Variants in SULT1C2 observed in about 807,000 individuals in gnomAD.
SULT1C2 encodes sulfotransferase family 1C member 2, also known as sulfotransferase 1C2.
Under a neutral mutation model 36.0 loss-of-function variants are expected in SULT1C2, and 27 were observed. That is an observed-to-expected ratio of 0.75 (90% CI 0.55 to 1.03). The LOEUF (loss-of-function observed/expected upper bound fraction) is 1.03. Among genes scored for constraint, SULT1C2 ranks in the 50% least tolerant of loss-of-function variants. SULT1C2 has a pLI of 0.00. For synonymous variants in SULT1C2, 121 were observed against 116.0 expected (o/e 1.04, Z -0.27); for missense variants, 395 against 359.2 (o/e 1.10, Z -0.80).
chr2:108,308,615 C>T lies in SULT1C2; in HGVS notation c.*151C>T. The T allele has an allele frequency of 1.7e-6, 1 of 596,442 alleles. No individual in the cohort carries two copies. The highest frequency in any genetic ancestry group is 3.2e-5 in the South Asian group (1 of 31,214). The allele number at this position is 596,442 out of a possible 1,614,324, so 36.9% of individuals were successfully genotyped here. A position where few individuals can be genotyped will look rare whatever the true frequency, so the allele number is the denominator to read the frequency against. ...TCTGTGATGATTAACAGTATGTCAC[C>T]ACTTCATTTTTTAAAAAGGATCACG... On this transcript the variant is annotated 3_prime_UTR_variant, in exon 8 of 8. Coordinates refer to ENST00000251481, the MANE Select transcript of SULT1C2 (RefSeq NM_001056.4).
At chr2:108,301,053 T>C (rs1676857639) in intron 4 of SULT1C2, 118 bp downstream of exon 4, 2 of 1,293,908 alleles carry the variant, frequency 1.5e-6, no homozygotes, top group Admixed American at 4.7e-5. Context: ...CTCTGATGCT[T>C]ACCAGCAAAG....
intron 1 of SULT1C2, among the ~76,000 whole-genome samples, chr2:108,291,505 T>C (rs1214442102): frequency 1.3e-5 from 2 of 152,194 alleles, no homozygotes; most frequent in African/African-American, 4.8e-5. Context: ...AAAAGACAGA[T>C]AGAAATACAT....
chr2:108,295,584 C>T (rs1676704764), intron 3 of SULT1C2, among the ~76,000 whole-genome samples: 2 of 152,230 alleles, frequency 1.3e-5, no homozygotes, highest in Non-Finnish European at 2.9e-5. Flanking sequence ...TTTACATAAC[C>T]TCTCTGTGTT....
At chr2:108,295,838 G>A (rs1245622518) in intron 3 of SULT1C2, among the ~76,000 whole-genome samples, 1 of 152,152 alleles carries the variant, frequency 6.6e-6, no homozygotes, top group African/African-American at 2.4e-5. Context: ...CTGTCACCCA[G>A]GCTGGACTGC....
At chr2:108,291,547 T>C (rs551946192) in intron 1 of SULT1C2, among the ~76,000 whole-genome samples, 2 of 152,314 alleles carry the variant, frequency 1.3e-5, no homozygotes, top group Non-Finnish European at 1.5e-5. Context: ...GTGATAGATG[T>C]TTTCCTTGTA....
intron 3 of SULT1C2, chr2:108,299,756 G>A (rs1424661125): frequency 6.6e-6 from 1 of 152,118 alleles, no homozygotes; most frequent in Non-Finnish European, 1.5e-5. Flanking sequence ...TAAAAACAGG[G>A]TCTGAAACAG....
intron 7 of SULT1C2, among the ~76,000 whole-genome samples, chr2:108,306,508 G>A (rs1213515289): frequency 1.3e-5 from 2 of 152,218 alleles, no homozygotes; most frequent in South Asian, 2.1e-4. Flanking sequence ...GGAGGCTAAG[G>A]TGGGAGGAGC....
chr2:108,304,377 A>C (rs1676966160), intron 4 of SULT1C2, 197 bp from the exon 5 acceptor site: 1 of 485,868 alleles, frequency 2.1e-6, no homozygotes, highest in Admixed American at 3.6e-5. Flanking sequence ...AAAAGGACTG[A>C]GTTTGAAGTA....
At position 108,302,773 on chromosome 2, in the gene SULT1C2, AATATT is replaced by A. The variant is rs796331431; in HGVS notation, c.376-1799_376-1795del. 2.6e-5 allele frequency: 4 copies of A among 152,240 alleles called. No individual in the cohort carries two copies. In the South Asian group the frequency reaches 8.3e-4, roughly 31 times the overall value. The allele number at this position is 152,240 out of a possible 1,614,324, so 9.4% of individuals were successfully genotyped here. A position where few individuals can be genotyped will look rare whatever the true frequency, so the allele number is the denominator to read the frequency against. On this transcript the variant is annotated intron_variant, in intron 4 of 7. Transcript: ENST00000251481. ...ATAAGATGCTACTTTTAGACACAGA[AATATT>A]AAGTAAATAAATGGAATTTCTATAA... is the stretch of plus-strand genomic sequence containing the variant.
At chr2:108,295,978 TC>T (rs1403530287) in intron 3 of SULT1C2, among the ~76,000 whole-genome samples, 1 of 152,116 alleles carries the variant, frequency 6.6e-6, no homozygotes, top group Non-Finnish European at 1.5e-5. Flanking sequence ...CTTGTAGAGA[TC>T]GGGTTTCACT....
intron 1 of SULT1C2, among the ~76,000 whole-genome samples, chr2:108,291,591 T>C (rs1026825132): frequency 6.6e-6 from 1 of 152,090 alleles, no homozygotes; most frequent in East Asian, 1.9e-4. Flanking sequence ...CTGCAATGTA[T>C]AACTTTAAAT....
chr2:108,306,529 A>C (rs113081262), intron 7 of SULT1C2, among the ~76,000 whole-genome samples: 1,618 of 152,332 alleles, frequency 0.011, 12 homozygotes, highest in Non-Finnish European at 0.016. Context: ...ACTTGAGCCC[A>C]GGATTTTGAG....
At chr2:108,297,290 G>T (rs994893562) in intron 3 of SULT1C2, among the ~76,000 whole-genome samples, 2 of 152,126 alleles carry the variant, frequency 1.3e-5, no homozygotes, top group Non-Finnish European at 2.9e-5. Flanking sequence ...AACCGTTCCT[G>T]GAGGTGACAC....
chr2:108,295,028 T>A (rs1046683756), intron 3 of SULT1C2, among the ~76,000 whole-genome samples: 3 of 152,220 alleles, frequency 2.0e-5, no homozygotes, highest in African/African-American at 7.2e-5. Flanking sequence ...GATAGAAAGC[T>A]GGGAGCACAG....
At chr2:108,308,328 C>G in intron 7 of SULT1C2, 24 bp from the exon 8 acceptor site, 1 of 1,588,298 alleles carries the variant, frequency 6.3e-7, no homozygotes. Context: ...GAGTGACACT[C>G]CTGTCTGGCC....
chr2:108,309,006 G>C lies in SULT1C2; in HGVS notation c.*542G>C, dbSNP rs982123712. 6.5e-6 allele frequency: 1 copy of C among 152,690 alleles called. No homozygotes were observed. Among genetic ancestry groups the C allele is most frequent in the African/African-American group, 2.4e-5 (1 of 41,464 alleles). 9.5% of individuals were successfully genotyped at this position (152,690 alleles called of 1,614,324 possible). The stretch of plus-strand genomic sequence containing the variant: ...CCTCACTGGTGGGTGGGAATAAAAT[G>C]GAAGTGCACAGAGGAGATGTCAGAA... On this transcript the variant is annotated 3_prime_UTR_variant, in exon 8 of 8. Transcript: ENST00000251481.
chr2:108,305,802 A>G (rs1573255877), intron 7 of SULT1C2: 1 of 627,490 alleles, frequency 1.6e-6, no homozygotes, highest in East Asian at 3.0e-5. Context: ...AGGAACAGAG[A>G]GTCCCTCAAG....
At chr2:108,301,190 G>GCC (rs1558679869) in intron 4 of SULT1C2, 1 of 440,402 alleles carries the variant, frequency 2.3e-6, no homozygotes. Context: ...AGTGCAGTAA[G>GCC]CGTAGCTGTG....
At chr2:108,295,869 C>G (rs1343206223) in intron 3 of SULT1C2, among the ~76,000 whole-genome samples, 1 of 152,192 alleles carries the variant, frequency 6.6e-6, no homozygotes, top group Non-Finnish European at 1.5e-5. Flanking sequence ...TCATAGGTCA[C>G]TGCAACCTGG....
Sources: gnomAD v4.1 joint callset for allele counts (sites outside exome capture counted in the v4.1 genomes callset) on GRCh38, gnomAD v4.1.1 for gene constraint, MANE v1.5 for transcripts, NCBI Gene and HGNC (gene_info 2026-07-23, HGNC 2026-07-21) for gene names.